The following GGT7 variants were observed in gnomAD, a reference collection of about 807,000 sequenced individuals.
GGT7 encodes glutathione hydrolase 7.
In GGT7, 30 loss-of-function variants were observed where a neutral mutation model predicts 69.2. That is an observed-to-expected ratio of 0.43 (90% CI 0.32 to 0.59). GGT7 has a LOEUF of 0.59. GGT7 is among the 20% of genes least tolerant of loss of function. GGT7 has a pLI of 0.05. For missense variants in GGT7, 733 were observed against 901.1 expected, an observed-to-expected ratio of 0.81 and a Z score of 2.39; for synonymous variants, 388 against 391.8, an observed-to-expected ratio of 0.99 and a Z score of 0.12.
At chr20:34,854,074 C>G (rs1042832752) in intron 10 of GGT7, among the ~76,000 whole-genome samples, 10 of 152,118 alleles carry the variant, frequency 6.6e-5, no homozygotes, top group Admixed American at 1.3e-4. Flanking sequence ...CTAGCTGGGA[C>G]TACAGGCACG....
chr20:34,872,544 G>A, intron 1 of GGT7, 103 bp downstream of exon 1: 1 of 751,442 alleles, frequency 1.3e-6, no homozygotes, highest in South Asian at 3.0e-5. Context: ...CAAGAAGATG[G>A]GGATGAATTA....
chr20:34,851,399 C>G (rs772751695), intron 12 of GGT7, 31 bp from the exon 13 acceptor site: 1 of 1,590,970 alleles, frequency 6.3e-7, no homozygotes, highest in Non-Finnish European at 8.6e-7. Flanking sequence ...CCACAAGGGG[C>G]AGGTGGGGTG....
At chr20:34,860,067 TG>T in intron 5 of GGT7, 25 bp from the exon 6 acceptor site, 2 of 657,214 alleles carry the variant, frequency 3.0e-6, no homozygotes, top group Non-Finnish European at 4.3e-6. Context: ...GAGCAGGGGG[TG>T]GAGGAGGTCC....
intron 10 of GGT7, among the ~76,000 whole-genome samples, chr20:34,852,954 T>TA (rs1418277614): frequency 6.6e-6 from 1 of 151,942 alleles, no homozygotes; most frequent in Non-Finnish European, 1.5e-5. Flanking sequence ...GAGGATTTTT[T>TA]TTTTCTTCCT....
At chr20:34,867,332 A>G (rs1422275850) in intron 1 of GGT7, among the ~76,000 whole-genome samples, 1 of 152,218 alleles carries the variant, frequency 6.6e-6, no homozygotes, top group Non-Finnish European at 1.5e-5. Context: ...TGTTCCCAAG[A>G]CTTTATGAAA....
At chr20:34,859,767 A>C (rs1325631128) in intron 6 of GGT7, 128 bp from the exon 7 acceptor site, 8 of 857,628 alleles carry the variant, frequency 9.3e-6, no homozygotes, top group Admixed American at 7.8e-5. Flanking sequence ...GGAGCCTGTT[A>C]AGTGCGAGGC....
chr20:34,865,077 C>A (rs1296738522), intron 1 of GGT7, among the ~76,000 whole-genome samples: 1 of 152,134 alleles, frequency 6.6e-6, no homozygotes, highest in Non-Finnish European at 1.5e-5. Flanking sequence ...CTGCCTCAGC[C>A]TCCCAAAGTG....
chr20:34,847,945 G>T (rs950894821), intron 14 of GGT7, among the ~76,000 whole-genome samples: 2 of 152,088 alleles, frequency 1.3e-5, no homozygotes, highest in Non-Finnish European at 2.9e-5. Flanking sequence ...GCAAAAATTA[G>T]CTGGGTGTGG....
At chr20:34,848,071 T>A (rs1984588) in intron 14 of GGT7, among the ~76,000 whole-genome samples, 1 of 152,034 alleles carries the variant, frequency 6.6e-6, no homozygotes, top group Non-Finnish European at 1.5e-5. Flanking sequence ...CCAGCCTGGG[T>A]GACAGAGTGA....
chr20:34,852,260 C>A lies in GGT7; in HGVS notation c.1482G>T (p.Gln494His). 6.2e-7 allele frequency: 1 copy of A among 1,613,430 alleles called. No individual in the cohort carries two copies. The highest frequency in any genetic ancestry group is 8.5e-7 in the Non-Finnish European group (1 of 1,179,320). ...GGGTGATAAGGCCGCTGCCAAAGGG[C>A]TGGTTCAGGGAGCTGGGGGCCGAGG... ...FIVAMVSSLN[Q>H]PFGSGLITPS... Residue 494 changes from glutamine to histidine, a missense_variant, in exon 12 of 15, where the codon CAG becomes CAT. Physicochemically the swap from Gln to His is conservative, Grantham distance 24. Transcript: ENST00000336431.
chr20:34,854,449 G>T, intron 10 of GGT7, 82 bp downstream of exon 10: 2 of 782,642 alleles, frequency 2.6e-6, no homozygotes, highest in East Asian at 2.6e-5. Flanking sequence ...GGCCTTTATT[G>T]CTATACCAGC....
At chr20:34,868,059 C>T (rs886590644) in intron 1 of GGT7, among the ~76,000 whole-genome samples, 4 of 152,214 alleles carry the variant, frequency 2.6e-5, no homozygotes, top group South Asian at 2.1e-4. Context: ...GATGGGGCTT[C>T]ACCATGTTGG....
At chr20:34,857,102 C>G (rs1202514250) in intron 7 of GGT7, among the ~76,000 whole-genome samples, 1 of 152,138 alleles carries the variant, frequency 6.6e-6, no homozygotes, top group African/African-American at 2.4e-5. Flanking sequence ...CTATCATGTG[C>G]CAGGCATCAC....
chr20:34,853,312 G>T (rs2079429046), intron 10 of GGT7, among the ~76,000 whole-genome samples: 1 of 151,066 alleles, frequency 6.6e-6, no homozygotes, highest in South Asian at 2.1e-4. Flanking sequence ...CTATTTACTG[G>T]ATGAACTGGT....
rs746836702 is a variant in GGT7 at position 34,854,817 on chromosome 20, CTGT to C, written c.1206_1208del (p.Gln403del). The C allele has an allele frequency of 7.4e-6, 12 of 1,614,096 alleles. No individual in the cohort carries two copies. The East Asian group carries it at 2.7e-4, about 36-fold the overall frequency. ...TTACCTCTGCCACCCAGTGAAGAGC[CTGT>C]TCTCGGGATACCAGGCTGGTGAGAT... On this transcript the variant is annotated inframe_deletion, in exon 9 of 15. Coordinates refer to ENST00000336431, the MANE Select transcript of GGT7 (RefSeq NM_178026.3).
chr20:34,870,759 A>G (rs981129756), intron 1 of GGT7, among the ~76,000 whole-genome samples: 3 of 150,358 alleles, frequency 2.0e-5, no homozygotes, highest in African/African-American at 7.4e-5. Flanking sequence ...GGTGTGAGCC[A>G]CCACACCGGC....
chr20:34,859,998 TG>T lies in GGT7; in HGVS notation c.787del (p.Gln263LysfsTer6). On this transcript the variant is annotated frameshift_variant, in exon 6 of 15. Coordinates refer to ENST00000336431, the MANE Select transcript of GGT7 (RefSeq NM_178026.3). LOFTEE classifies it high-confidence loss of function. ...QVLAFAAAVA[Q>X]DGFNVTHDLA... ...ATCATGAGTCACGTTGAAGCCATCTTGGGCCACAGCTGCTGCAAAGGCCAGG... is the reference window on the plus strand; with the variant it reads ...ATCATGAGTCACGTTGAAGCCATCTTGGCCACAGCTGCTGCAAAGGCCAGG... 1 of 1,541,954 alleles carries T rather than the reference TG, an allele frequency of 6.5e-7. No homozygotes were observed. The highest frequency in any genetic ancestry group is 8.8e-7 in the Non-Finnish European group (1 of 1,140,628).
intron 1 of GGT7, among the ~76,000 whole-genome samples, chr20:34,867,431 G>C (rs1385950998): frequency 6.6e-6 from 1 of 152,074 alleles, no homozygotes; most frequent in Non-Finnish European, 1.5e-5. Flanking sequence ...TGAGTAAGTG[G>C]GCCAGGTTTG....
chr20:34,859,851 AG>A (rs2079559033), intron 6 of GGT7, 117 bp downstream of exon 6: 3 of 820,222 alleles, frequency 3.7e-6, no homozygotes, highest in South Asian at 3.2e-5. Flanking sequence ...TAAGGTGGGG[AG>A]GGGGTCTGAG....
Sources: allele counts gnomAD v4.1 joint callset (sites outside exome capture counted in the v4.1 genomes callset), GRCh38; gene constraint gnomAD v4.1.1; transcripts MANE v1.5; gene names NCBI Gene and HGNC (gene_info 2026-07-23, HGNC 2026-07-21).